Variants in HSPA12A observed in about 807,000 individuals in gnomAD.
The protein encoded by HSPA12A is heat shock protein family A (Hsp70) member 12A.
In HSPA12A, 28 loss-of-function variants were observed where a neutral mutation model predicts 69.2. That is an observed-to-expected ratio of 0.40 (90% CI 0.30 to 0.55). The LOEUF is 0.55. HSPA12A is among the 20% of genes least tolerant of loss of function. The pLI is 0.38. For missense variants in HSPA12A, 686 were observed against 900.7 expected (o/e 0.76, Z 3.05); for synonymous variants, 345 against 370.5 (o/e 0.93, Z 0.79).
intron 5 of HSPA12A, among the ~76,000 whole-genome samples, chr10:116,693,653 G>C (rs3010467): frequency 0.52 from 79,732 of 151,998 alleles, 21,299 homozygotes; most frequent in Middle Eastern, 0.65. Flanking sequence ...AAACAAAATT[G>C]CTGACACTGT....
chr10:116,716,458 T>TGG (rs1282783033), intron 1 of HSPA12A, among the ~76,000 whole-genome samples: 8 of 68,256 alleles, frequency 1.2e-4, no homozygotes, highest in African/African-American at 5.7e-4. Flanking sequence ...GGGGGTGGGG[T>TGG]GGGGGGTGTG....
chr10:116,802,542 C>A (rs1844979266), intron 2 of HSPA12A, among the ~76,000 whole-genome samples: 1 of 152,170 alleles, frequency 6.6e-6, no homozygotes, highest in African/African-American at 2.4e-5. Context: ...GTCACTTTCA[C>A]TTTGTTTAAA....
At chr10:116,746,523 C>T (rs1851653195), upstream of HSPA12A, among the ~76,000 whole-genome samples, 1 of 152,214 alleles carries the variant, frequency 6.6e-6, no homozygotes, top group Non-Finnish European at 1.5e-5. Context: ...CAAGTGGGCT[C>T]AGCTGCTCCC....
In HSPA12A at chr10:116,692,266, G is replaced by C. The variant is rs1589632963; in HGVS notation, c.663+85C>G. On this transcript the variant is annotated intron_variant, in intron 6 of 11. Coordinates refer to ENST00000369209, the MANE Select transcript of HSPA12A (RefSeq NM_025015.3). ...CCCATGGAGGCCAGTGAATGTGGGA[G>C]GTACCTGGGCGGGGCTACAGTCACC... 4.0e-6 allele frequency: 4 copies of C among 988,360 alleles called. No individual in the cohort carries two copies. In the South Asian group the frequency reaches 5.8e-5, roughly 14 times the overall value. 61.2% of individuals were successfully genotyped at this position (988,360 alleles called of 1,614,324 possible).
At position 116,700,796 on chromosome 10, in the gene HSPA12A, A is replaced by T. The variant is rs895087836; in HGVS notation, c.441+147T>A. On this transcript the variant is annotated intron_variant, in intron 4 of 11. Transcript: ENST00000369209. ...CACTGTGTGCTCCAGGTTGTGTCTAAAATCAAGGTAAATGGACACTGATTT... is the reference window on the plus strand; with the variant it reads ...CACTGTGTGCTCCAGGTTGTGTCTATAATCAAGGTAAATGGACACTGATTT... 1.9e-4 allele frequency: 136 copies of T among 718,212 alleles called. 1 individual carries two copies. The Admixed American group carries it at 3.2e-3, about 17-fold the overall frequency. The allele number at this position is 718,212 out of a possible 1,614,324, so 44.5% of individuals were successfully genotyped here. A position where few individuals can be genotyped will look rare whatever the true frequency, so the allele number is the denominator to read the frequency against.
intron 2 of HSPA12A, among the ~76,000 whole-genome samples, chr10:116,820,363 T>G (rs1845389004): frequency 6.6e-6 from 1 of 152,142 alleles, no homozygotes; most frequent in Non-Finnish European, 1.5e-5. Flanking sequence ...TTGAGATCTG[T>G]GCAGGAGACA....
chr10:116,705,055 G>A (rs907888879), intron 3 of HSPA12A, 96 bp downstream of exon 3: 30 of 1,459,838 alleles, frequency 2.1e-5, no homozygotes, highest in African/African-American at 1.4e-4. Context: ...ATCCAGGGCC[G>A]TCTTCGTAAG....
intron 1 of HSPA12A, among the ~76,000 whole-genome samples, chr10:116,725,060 T>C (rs548732457): frequency 6.6e-6 from 1 of 152,348 alleles, no homozygotes; most frequent in African/African-American, 2.4e-5. Flanking sequence ...ACAGCAGAGC[T>C]GAGACTTGAA....
upstream of HSPA12A, among the ~76,000 whole-genome samples, chr10:116,744,075 C>A (rs4752010): frequency 0.52 from 78,742 of 152,030 alleles, 21,303 homozygotes; most frequent in South Asian, 0.69. Flanking sequence ...CACAGCTCCC[C>A]CGCCCTCCTG....
intron 2 of HSPA12A, among the ~76,000 whole-genome samples, chr10:116,772,956 C>T (rs7082183): frequency 0.64 from 96,735 of 152,046 alleles, 33,284 homozygotes; most frequent in South Asian, 0.81. Context: ...CCCACCTTGG[C>T]CTCCCAAAGT....
intron 1 of HSPA12A, among the ~76,000 whole-genome samples, chr10:116,838,685 T>G (rs1215198370): frequency 6.6e-6 from 1 of 152,206 alleles, no homozygotes; most frequent in Non-Finnish European, 1.5e-5. Flanking sequence ...AATTAAACCT[T>G]TAGCTAAGTT....
At chr10:116,728,336 T>G (rs1385675617) in intron 1 of HSPA12A, among the ~76,000 whole-genome samples, 1 of 152,162 alleles carries the variant, frequency 6.6e-6, no homozygotes, top group South Asian at 2.1e-4. Flanking sequence ...TATTCTTAAC[T>G]TACAATGGGT....
intron 1 of HSPA12A, among the ~76,000 whole-genome samples, chr10:116,726,993 C>T (rs1444496890): frequency 2.0e-5 from 3 of 152,040 alleles, no homozygotes; most frequent in African/African-American, 7.2e-5. Context: ...GTAAAATCTG[C>T]CCCCGTCAAA....
chr10:116,835,709 G>A (rs931192319), intron 1 of HSPA12A, among the ~76,000 whole-genome samples: 13 of 152,196 alleles, frequency 8.5e-5, no homozygotes, highest in Non-Finnish European at 8.8e-5. Flanking sequence ...GTACACAGTA[G>A]ATGCACAATA....
At chr10:116,699,564 C>T (rs886783296) in intron 4 of HSPA12A, among the ~76,000 whole-genome samples, 8 of 152,120 alleles carry the variant, frequency 5.3e-5, no homozygotes, top group African/African-American at 1.4e-4. Context: ...GGAGTGAAAA[C>T]GGGCATTGAG....
intron 2 of HSPA12A, among the ~76,000 whole-genome samples, chr10:116,705,926 C>T (rs181157362): frequency 0.033 from 4,532 of 136,566 alleles, 262 homozygotes; most frequent in African/African-American, 0.12. Context: ...GACGGAGTCT[C>T]GCTCTGTCGC....
intron 2 of HSPA12A, among the ~76,000 whole-genome samples, chr10:116,819,989 ATTTTTGTATT>A (rs1845380957): frequency 6.6e-6 from 1 of 151,872 alleles, no homozygotes; most frequent in African/African-American, 2.4e-5. Flanking sequence ...ACCATGCCTA[ATTTTTGTATT>A]TTTTTGTAAA....
intron 2 of HSPA12A, among the ~76,000 whole-genome samples, chr10:116,820,063 A>G (rs896768036): frequency 6.6e-6 from 1 of 152,132 alleles, no homozygotes; most frequent in Non-Finnish European, 1.5e-5. Flanking sequence ...GGCTCAAGCA[A>G]TTCACCCACC....
chr10:116,698,563 G>T, intron 5 of HSPA12A, 72 bp downstream of exon 5: 1 of 1,217,642 alleles, frequency 8.2e-7, no homozygotes, highest in Non-Finnish European at 1.2e-6. Flanking sequence ...AGGTGCAGCA[G>T]CCCGAGACAC....
Sources: allele counts gnomAD v4.1 joint callset (sites outside exome capture counted in the v4.1 genomes callset), GRCh38; gene constraint gnomAD v4.1.1; transcripts MANE v1.5; gene names NCBI Gene and HGNC (gene_info 2026-07-23, HGNC 2026-07-21).